Variants in DSCAM observed in about 807,000 individuals in gnomAD.
DSCAM encodes cell adhesion molecule DSCAM.
A neutral mutation model predicts 217.7 loss-of-function variants in DSCAM; 47 were observed. The observed-to-expected ratio is 0.22, with a 90% confidence interval of 0.17 to 0.28. The LOEUF (loss-of-function observed/expected upper bound fraction) is 0.28. DSCAM is among the 10% of genes least tolerant of loss of function. The pLI is 1.00. For synonymous variants in DSCAM, 1,056 were observed against 1,015.3 expected, an observed-to-expected ratio of 1.04 and a Z score of -0.76; for missense variants, 2,080 against 2,618.3, an observed-to-expected ratio of 0.79 and a Z score of 4.49.
intron 8 of DSCAM, among the ~76,000 whole-genome samples, chr21:40,321,096 G>A (rs753256780): frequency 1.3e-5 from 2 of 152,194 alleles, no homozygotes; most frequent in Non-Finnish European, 2.9e-5. Context: ...CAACAATTCA[G>A]ATGGAAAGGA....
chr21:40,051,835 T>C lies in DSCAM; in HGVS notation c.5185+123A>G, dbSNP rs913258620. On this transcript the variant is annotated intron_variant, in intron 30 of 32. Transcript: ENST00000400454. Reference sequence around the variant, plus strand: ...ATTATCCCAATTAGGGATGTTATTATACCCATTTGTTTCTCAGGCATAGGT... The same window carrying C: ...ATTATCCCAATTAGGGATGTTATTACACCCATTTGTTTCTCAGGCATAGGT... 56 of 1,271,620 alleles carry C rather than the reference T, an allele frequency of 4.4e-5. No individual in the cohort carries two copies. The African/African-American group carries it at 6.9e-4, about 16-fold the overall frequency. 78.8% of individuals were successfully genotyped at this position (1,271,620 alleles called of 1,614,324 possible).
intron 15 of DSCAM, among the ~76,000 whole-genome samples, chr21:40,175,380 T>C (rs763387006): frequency 9.9e-5 from 15 of 152,108 alleles, no homozygotes; most frequent in Non-Finnish European, 1.5e-4. Context: ...TCCCAAAGTG[T>C]TGGGATTATA....
chr21:40,479,714 A>G (rs1380743264), intron 3 of DSCAM, among the ~76,000 whole-genome samples: 1 of 152,118 alleles, frequency 6.6e-6, no homozygotes, highest in African/African-American at 2.4e-5. Flanking sequence ...ACACGAGGGG[A>G]TTATGGGAGC....
At chr21:40,738,584 T>C (rs997242687) in intron 1 of DSCAM, among the ~76,000 whole-genome samples, 3 of 152,200 alleles carry the variant, frequency 2.0e-5, no homozygotes. Flanking sequence ...AGACCTCTCA[T>C]GTCCTCTATC....
intron 3 of DSCAM, among the ~76,000 whole-genome samples, chr21:40,398,157 G>T (rs576168113): frequency 6.6e-6 from 1 of 152,298 alleles, no homozygotes; most frequent in Admixed American, 6.5e-5. Flanking sequence ...ACAAACTACG[G>T]AATCTTCATG....
chr21:40,246,317 G>C (rs2073223268), intron 11 of DSCAM, among the ~76,000 whole-genome samples: 1 of 107,924 alleles, frequency 9.3e-6, no homozygotes. Flanking sequence ...AAAAGTTCAA[G>C]ACCAGCCTGG....
At chr21:40,445,303 T>C (rs1282640966) in intron 3 of DSCAM, among the ~76,000 whole-genome samples, 2 of 152,234 alleles carry the variant, frequency 1.3e-5, no homozygotes, top group African/African-American at 4.8e-5. Context: ...AATTGCGTGC[T>C]GGCCTCTGGG....
chr21:40,111,060 G>A (rs146093157), intron 20 of DSCAM, among the ~76,000 whole-genome samples: 1,641 of 152,224 alleles, frequency 0.011, 19 homozygotes, highest in Non-Finnish European at 0.015. Context: ...AGGAAATACA[G>A]AGAACACCAT....
chr21:40,517,622 A>G (rs1057056955), intron 3 of DSCAM, among the ~76,000 whole-genome samples: 1 of 152,140 alleles, frequency 6.6e-6, no homozygotes, highest in African/African-American at 2.4e-5. Context: ...CATTTAGCCC[A>G]TTCTACCTGG....
chr21:40,062,991 A>C (rs1303903483), intron 27 of DSCAM, 92 bp from the exon 28 acceptor site: 2 of 1,190,720 alleles, frequency 1.7e-6, no homozygotes, highest in Non-Finnish European at 2.3e-6. Flanking sequence ...TCAGATCAGA[A>C]CAGTCATTTT....
At chr21:40,405,987 ACT>A (rs1467662794) in intron 3 of DSCAM, among the ~76,000 whole-genome samples, 2 of 152,170 alleles carry the variant, frequency 1.3e-5, no homozygotes, top group African/African-American at 4.8e-5. Context: ...ACAGAGTGAG[ACT>A]CTGTCTCAAC....
intron 3 of DSCAM, among the ~76,000 whole-genome samples, chr21:40,380,349 A>T (rs1224434355): frequency 1.3e-5 from 2 of 152,222 alleles, no homozygotes; most frequent in Non-Finnish European, 2.9e-5. Flanking sequence ...CACTTCAAGA[A>T]TTTTTTATTA....
intron 3 of DSCAM, among the ~76,000 whole-genome samples, chr21:40,664,697 C>T (rs2090180242): frequency 6.6e-6 from 1 of 152,192 alleles, no homozygotes; most frequent in African/African-American, 2.4e-5. Context: ...GATTGTCAGA[C>T]AGTGTCCTGA....
chr21:40,702,700 T>A (rs1469593974), intron 2 of DSCAM, among the ~76,000 whole-genome samples: 2 of 152,134 alleles, frequency 1.3e-5, no homozygotes, highest in Non-Finnish European at 1.5e-5. Flanking sequence ...CTTTTTCTTA[T>A]CATTTTCTTC....
At chr21:40,206,528 G>A (rs900858768) in intron 11 of DSCAM, among the ~76,000 whole-genome samples, 2 of 152,124 alleles carry the variant, frequency 1.3e-5, no homozygotes, top group Admixed American at 6.5e-5. Flanking sequence ...CCAGTGAGAG[G>A]AATGGGTGCC....
At chr21:40,561,736 C>G (rs996733401) in intron 3 of DSCAM, among the ~76,000 whole-genome samples, 1 of 152,062 alleles carries the variant, frequency 6.6e-6, no homozygotes, top group Admixed American at 6.6e-5. Flanking sequence ...TTTCATGAAA[C>G]AATAATGACG....
intron 1 of DSCAM, among the ~76,000 whole-genome samples, chr21:40,759,646 T>A (rs2091310943): frequency 6.6e-6 from 1 of 152,126 alleles, no homozygotes; most frequent in Non-Finnish European, 1.5e-5. Context: ...GGTTGATTGC[T>A]GGGGCTGGCC....
chr21:40,550,131 A>C (rs189138317), intron 3 of DSCAM, among the ~76,000 whole-genome samples: 1 of 152,252 alleles, frequency 6.6e-6, no homozygotes, highest in East Asian at 1.9e-4. Context: ...CCAGATCCAC[A>C]CCAACACCGA....
chr21:40,363,162 T>C (rs1207364327), intron 4 of DSCAM, among the ~76,000 whole-genome samples: 2 of 152,098 alleles, frequency 1.3e-5, no homozygotes, highest in Non-Finnish European at 2.9e-5. Context: ...CTTGTTGCTA[T>C]TGTTTGCTCA....
Sources: gnomAD v4.1 joint callset for allele counts (sites outside exome capture counted in the v4.1 genomes callset) on GRCh38, gnomAD v4.1.1 for gene constraint, MANE v1.5 for transcripts, NCBI Gene and HGNC (gene_info 2026-07-23, HGNC 2026-07-21) for gene names.